Variants in CFAP299 observed in about 807,000 individuals in gnomAD.
CFAP299 encodes cilia- and flagella-associated protein 299.
CFAP299 carries 21 observed loss-of-function variants against 27.0 expected under a neutral mutation model. The ratio of observed to expected loss-of-function variants is 0.78; its 90% CI spans 0.55 to 1.12. CFAP299 has a LOEUF of 1.12. Among genes scored for constraint, CFAP299 ranks in the 50% most tolerant of loss-of-function variants. CFAP299 has a pLI of 0.00. For missense variants in CFAP299, 310 were observed against 276.6 expected (o/e 1.12, Z -0.86); for synonymous variants, 104 against 98.1 (o/e 1.06, Z -0.36).
intron 3 of CFAP299, among the ~76,000 whole-genome samples, chr4:80,643,048 G>A (rs1739811914): frequency 6.6e-6 from 1 of 152,100 alleles, no homozygotes; most frequent in Admixed American, 6.6e-5. Context: ...TGTAATCCCA[G>A]CACTTTGGGA....
At chr4:80,614,673 C>G (rs1315271826) in intron 3 of CFAP299, among the ~76,000 whole-genome samples, 4 of 152,056 alleles carry the variant, frequency 2.6e-5, no homozygotes, top group Non-Finnish European at 5.9e-5. Flanking sequence ...TCTTTTGTTT[C>G]TTAAGTTGAC....
chr4:80,675,519 G>T (rs1429696892), intron 3 of CFAP299, among the ~76,000 whole-genome samples: 1 of 152,244 alleles, frequency 6.6e-6, no homozygotes, highest in African/African-American at 2.4e-5. Flanking sequence ...GAGGCAGTCT[G>T]TCCGTTCTCA....
chr4:80,433,897 C>T (rs1727941599), intron 2 of CFAP299, among the ~76,000 whole-genome samples: 1 of 152,152 alleles, frequency 6.6e-6, no homozygotes, highest in Admixed American at 6.5e-5. Flanking sequence ...TCAACCTCTT[C>T]TGTTTGAGAT....
At chr4:80,449,170 G>T (rs1728777628) in intron 2 of CFAP299, among the ~76,000 whole-genome samples, 1 of 152,050 alleles carries the variant, frequency 6.6e-6, no homozygotes, top group African/African-American at 2.4e-5. Context: ...TTCAATAATG[G>T]CATGGAGAGT....
the CFAP299 span, among the ~76,000 whole-genome samples, chr4:80,330,189 C>T: frequency 6.6e-6 from 1 of 152,144 alleles, no homozygotes. Flanking sequence ...TTAAGTACAT[C>T]TCCCCTGCAG....
intron 2 of CFAP299, among the ~76,000 whole-genome samples, chr4:80,530,137 T>G (rs953784444): frequency 1.3e-5 from 2 of 152,178 alleles, no homozygotes; most frequent in African/African-American, 4.8e-5. Flanking sequence ...CACAAGGGAT[T>G]TGTACTTCCA....
chr4:80,562,396 G>A (rs759324641), intron 2 of CFAP299, among the ~76,000 whole-genome samples: 3 of 151,920 alleles, frequency 2.0e-5, no homozygotes, highest in African/African-American at 4.8e-5. Flanking sequence ...TCAAGAGTTC[G>A]AGACTAGCCT....
At chr4:80,472,450 G>A (rs1216359602) in intron 2 of CFAP299, among the ~76,000 whole-genome samples, 1 of 152,138 alleles carries the variant, frequency 6.6e-6, no homozygotes, top group African/African-American at 2.4e-5. Context: ...AGAACCCAAC[G>A]GATGAAAGAG....
intron 3 of CFAP299, among the ~76,000 whole-genome samples, chr4:80,618,129 C>CTGATAGCATA (rs1738392448): frequency 6.6e-6 from 1 of 152,006 alleles, no homozygotes; most frequent in African/African-American, 2.4e-5. Flanking sequence ...TAATGAAACC[C>CTGATAGCATA]TGATAGCATA....
At chr4:80,628,765 A>G (rs1431511271) in intron 3 of CFAP299, among the ~76,000 whole-genome samples, 1 of 152,150 alleles carries the variant, frequency 6.6e-6, no homozygotes. Flanking sequence ...TAAATTAAAA[A>G]CACAATGAGA....
At chr4:80,908,065 C>T (rs1355527928) in intron 4 of CFAP299, among the ~76,000 whole-genome samples, 1 of 152,188 alleles carries the variant, frequency 6.6e-6, no homozygotes. Flanking sequence ...GATTAACAAG[C>T]AAGTGCAAAG....
chr4:80,924,167 C>T (rs541678715), intron 4 of CFAP299, among the ~76,000 whole-genome samples: 2 of 151,840 alleles, frequency 1.3e-5, no homozygotes, highest in Non-Finnish European at 2.9e-5. Flanking sequence ...GGGTGGGTGA[C>T]CTGAATCTCT....
At chr4:80,467,132 A>C (rs956829106) in intron 2 of CFAP299, among the ~76,000 whole-genome samples, 1 of 152,194 alleles carries the variant, frequency 6.6e-6, no homozygotes, top group African/African-American at 2.4e-5. Flanking sequence ...TGGAGCCAGC[A>C]TTCACAAGCC....
chr4:80,461,065 G>A, intron 2 of CFAP299, among the ~76,000 whole-genome samples: 1 of 152,170 alleles, frequency 6.6e-6, no homozygotes, highest in East Asian at 1.9e-4. Flanking sequence ...TTTCTGATGG[G>A]CAATTGGTTG....
intron 2 of CFAP299, among the ~76,000 whole-genome samples, chr4:80,443,848 T>C (rs1046333318): frequency 6.6e-6 from 1 of 152,112 alleles, no homozygotes; most frequent in African/African-American, 2.4e-5. Context: ...GGATAGAAAG[T>C]CAATGTGCAA....
chr4:80,763,518 G>T (rs1725658345), intron 3 of CFAP299, among the ~76,000 whole-genome samples: 2 of 152,052 alleles, frequency 1.3e-5, no homozygotes, highest in African/African-American at 4.8e-5. Flanking sequence ...TGGTAAAAAT[G>T]AGCATACTAC....
At chr4:80,325,171 A>G in the CFAP299 span, among the ~76,000 whole-genome samples, 1 of 152,172 alleles carries the variant, frequency 6.6e-6, no homozygotes, top group Admixed American at 6.5e-5. Context: ...AAATCCTGGC[A>G]AAAAAGGCAA....
At chr4:80,745,194 A>T (rs1578084100) in intron 3 of CFAP299, among the ~76,000 whole-genome samples, 1 of 152,130 alleles carries the variant, frequency 6.6e-6, no homozygotes, top group Non-Finnish European at 1.5e-5. Context: ...TTTCATCCTA[A>T]TCTCAGTCGT....
At chr4:80,463,276 C>G (rs1282726255) in intron 2 of CFAP299, among the ~76,000 whole-genome samples, 3 of 151,836 alleles carry the variant, frequency 2.0e-5, no homozygotes, top group Non-Finnish European at 4.4e-5. Context: ...TAGCAAATGG[C>G]TATTTTAAAA....
Sources: allele counts gnomAD v4.1 joint callset (sites outside exome capture counted in the v4.1 genomes callset), GRCh38; gene constraint gnomAD v4.1.1; transcripts MANE v1.5; gene names NCBI Gene and HGNC (gene_info 2026-07-23, HGNC 2026-07-21).